Variants in CFAP299 observed in about 807,000 individuals in gnomAD.
CFAP299 encodes the protein cilia- and flagella-associated protein 299.
Under a neutral mutation model 27.0 loss-of-function variants are expected in CFAP299, and 21 were observed. The observed-to-expected ratio is 0.78, with a 90% CI of 0.55 to 1.12. The LOEUF (loss-of-function observed/expected upper bound fraction) is 1.12. Among genes scored for constraint, CFAP299 ranks in the 50% most tolerant of loss-of-function variants. The pLI is 0.00. For synonymous variants in CFAP299, 104 were observed against 98.1 expected (o/e 1.06, Z -0.36); for missense variants, 310 against 276.6 (o/e 1.12, Z -0.86).
At chr4:80,780,726 T>C (rs906116417) in intron 3 of CFAP299, among the ~76,000 whole-genome samples, 23 of 152,016 alleles carry the variant, frequency 1.5e-4, no homozygotes, top group African/African-American at 4.3e-4. Context: ...TATATATATA[T>C]ATACACAACT....
At chr4:80,915,023 G>A (rs1031367409) in intron 4 of CFAP299, among the ~76,000 whole-genome samples, 3 of 151,208 alleles carry the variant, frequency 2.0e-5, no homozygotes, top group African/African-American at 4.9e-5. Context: ...TTGAATTGTG[G>A]CCATTTTTCC....
intron 3 of CFAP299, among the ~76,000 whole-genome samples, chr4:80,751,330 A>G (rs939456971): frequency 2.6e-5 from 4 of 152,116 alleles, no homozygotes; most frequent in Admixed American, 6.5e-5. Context: ...AAGAAGCAGT[A>G]TGGCTGATTT....
chr4:80,733,242 C>T (rs1723641848), intron 3 of CFAP299, among the ~76,000 whole-genome samples: 1 of 151,994 alleles, frequency 6.6e-6, no homozygotes, highest in Non-Finnish European at 1.5e-5. Context: ...TTAATGAAAA[C>T]CTAATATTGT....
intron 4 of CFAP299, among the ~76,000 whole-genome samples, chr4:80,886,492 C>G (rs1733978252): frequency 6.6e-6 from 1 of 152,116 alleles, no homozygotes; most frequent in African/African-American, 2.4e-5. Flanking sequence ...GAGAATGTTT[C>G]CAGATTTTAT....
At chr4:80,732,557 C>G (rs1578070108) in intron 3 of CFAP299, among the ~76,000 whole-genome samples, 1 of 152,132 alleles carries the variant, frequency 6.6e-6, no homozygotes, top group East Asian at 1.9e-4. Flanking sequence ...CTTTTAGAAG[C>G]TGAAAAGCAA....
At chr4:80,387,965 G>C (rs1725109554) in intron 2 of CFAP299, 1 of 759,592 alleles carries the variant, frequency 1.3e-6, no homozygotes, top group Non-Finnish European at 2.3e-6. Context: ...GCTGTACACT[G>C]TGGGGGTGGG....
chr4:80,582,829 C>A (rs116004312), intron 2 of CFAP299, among the ~76,000 whole-genome samples: 1 of 151,614 alleles, frequency 6.6e-6, no homozygotes, highest in African/African-American at 2.4e-5. Flanking sequence ...TAAAAAAGAA[C>A]GAAATGGGCA....
chr4:80,768,674 G>A (rs1221005572), intron 3 of CFAP299, among the ~76,000 whole-genome samples: 4 of 152,218 alleles, frequency 2.6e-5, no homozygotes, highest in African/African-American at 9.6e-5. Context: ...TGAAAGTGTT[G>A]CATGAACTGA....
At chr4:80,946,795 A>C (rs1737502200) in intron 5 of CFAP299, among the ~76,000 whole-genome samples, 2 of 152,144 alleles carry the variant, frequency 1.3e-5, no homozygotes, top group Non-Finnish European at 2.9e-5. Context: ...TTCTTTACTT[A>C]TGGGTGTCAA....
chr4:80,324,878 T>G, the CFAP299 span, among the ~76,000 whole-genome samples: 5 of 152,112 alleles, frequency 3.3e-5, no homozygotes, highest in African/African-American at 1.2e-4. Flanking sequence ...ATCCCAGCAA[T>G]TTGGGAGGCC....
chr4:80,894,080 G>T (rs1734487474), intron 4 of CFAP299, among the ~76,000 whole-genome samples: 2 of 151,690 alleles, frequency 1.3e-5, no homozygotes, highest in South Asian at 4.2e-4. Context: ...TTTCTCAAAA[G>T]AAGACGTACA....
chr4:80,880,768 T>A (rs138286183), intron 4 of CFAP299, among the ~76,000 whole-genome samples: 5,338 of 151,736 alleles, frequency 0.035, 218 homozygotes, highest in African/African-American at 0.1. Flanking sequence ...TAAATTAAAT[T>A]AAAATTTTAA....
chr4:80,381,937 T>G (rs1724720212), intron 2 of CFAP299, among the ~76,000 whole-genome samples: 1 of 152,184 alleles, frequency 6.6e-6, no homozygotes, highest in Non-Finnish European at 1.5e-5. Flanking sequence ...TAGTCTGCAT[T>G]CCTACAAAAG....
At chr4:80,826,649 A>G (rs1730005825) in intron 3 of CFAP299, among the ~76,000 whole-genome samples, 1 of 151,760 alleles carries the variant, frequency 6.6e-6, no homozygotes, top group Non-Finnish European at 1.5e-5. Flanking sequence ...TGAATAGGAC[A>G]TCCAGAAAGA....
At chr4:80,557,044 T>C (rs1372260011) in intron 2 of CFAP299, among the ~76,000 whole-genome samples, 1 of 152,108 alleles carries the variant, frequency 6.6e-6, no homozygotes, top group Non-Finnish European at 1.5e-5. Flanking sequence ...AGTTTGACCA[T>C]AAGGTAAGGT....
chr4:80,553,959 ATACT>A (rs1165589355), intron 2 of CFAP299, among the ~76,000 whole-genome samples: 23 of 151,968 alleles, frequency 1.5e-4, no homozygotes, highest in Non-Finnish European at 4.4e-5. Context: ...TACTCTGTTG[ATACT>A]TTCTTTTGCT....
At chr4:80,896,566 A>G (rs1297058077) in intron 4 of CFAP299, among the ~76,000 whole-genome samples, 1 of 152,138 alleles carries the variant, frequency 6.6e-6, no homozygotes, top group African/African-American at 2.4e-5. Flanking sequence ...TATGTAACAC[A>G]AGTAAATCCA....
intron 2 of CFAP299, among the ~76,000 whole-genome samples, chr4:80,481,024 G>A (rs999639654): frequency 2.0e-5 from 3 of 151,632 alleles, no homozygotes; most frequent in Non-Finnish European, 4.4e-5. Context: ...ACCATTTATC[G>A]CTGTAAGCCA....
At chr4:80,727,995 T>C (rs1723255772) in intron 3 of CFAP299, among the ~76,000 whole-genome samples, 1 of 152,036 alleles carries the variant, frequency 6.6e-6, no homozygotes, top group Non-Finnish European at 1.5e-5. Flanking sequence ...AGTGAAAGAA[T>C]ATCTCATTTC....
Sources: gnomAD v4.1 joint callset for allele counts (sites outside exome capture counted in the v4.1 genomes callset) on GRCh38, gnomAD v4.1.1 for gene constraint, MANE v1.5 for transcripts, NCBI Gene and HGNC (gene_info 2026-07-23, HGNC 2026-07-21) for gene names.